The following PARPBP variants were observed in gnomAD, a reference collection of about 807,000 sequenced individuals.
PARPBP encodes the protein PCNA-interacting partner.
Under a neutral mutation model 50.0 loss-of-function variants are expected in PARPBP, and 52 were observed. The ratio of observed to expected loss-of-function variants is 1.04; its 90% CI spans 0.83 to 1.31. PARPBP has a LOEUF of 1.31. PARPBP is among the 50% of genes most tolerant of loss of function. The probability of loss-of-function intolerance (pLI) is 0.00; values close to 1 mark genes in which losing one functional copy is unlikely to be tolerated. For synonymous variants in PARPBP, 244 were observed against 232.1 expected (o/e 1.05, Z -0.47); for missense variants, 697 against 672.0 (o/e 1.04, Z -0.41).
chr12:102,152,495 T>C (rs1199486160), intron 3 of PARPBP, among the ~76,000 whole-genome samples: 2 of 152,212 alleles, frequency 1.3e-5, no homozygotes, highest in African/African-American at 2.4e-5. Context: ...TCTACATATG[T>C]GGTAAGAATT....
intron 7 of PARPBP, among the ~76,000 whole-genome samples, chr12:102,175,935 T>C (rs141996733): frequency 9.7e-4 from 148 of 152,276 alleles, no homozygotes; most frequent in Non-Finnish European, 5.9e-4. Flanking sequence ...TAAAAACTTA[T>C]AATTCTTGAT....
chr12:102,153,801 A>G, intron 3 of PARPBP, 68 bp from the exon 4 acceptor site: 1 of 821,690 alleles, frequency 1.2e-6, no homozygotes, highest in Non-Finnish European at 2.1e-6. Context: ...CACTGAGTAG[A>G]GCTTTATGTG....
chr12:102,128,232 T>A (rs1474401229), intron 2 of PARPBP, among the ~76,000 whole-genome samples: 6 of 151,912 alleles, frequency 3.9e-5, no homozygotes, highest in African/African-American at 1.5e-4. Context: ...CTTCTATAAG[T>A]TCACCTCTTT....
At position 102,195,994 on chromosome 12, in the gene PARPBP, T is replaced by C. The variant is rs780532210; in HGVS notation, c.1443T>C (p.Ser481=). 53 of 1,607,136 alleles carry C rather than the reference T, an allele frequency of 3.3e-5. No individual in the cohort carries two copies. In the South Asian group the frequency reaches 3.7e-4, roughly 11 times the overall value. The change falls in exon 11 of 11, where the codon AGT becomes AGC. Residue 481 remains serine, a synonymous_variant. Transcript: ENST00000327680. ...PSVGRSTIGT[S]FGNVHLDRSK... is the part of the protein sequence containing the mutation. ...TTGGAAGATCAACAATTGGAACGAG[T>C]TTTGGAAATGTTCATCTGGACAGAA...
intron 4 of PARPBP, among the ~76,000 whole-genome samples, chr12:102,155,804 C>G (rs1886825344): frequency 6.6e-6 from 1 of 152,154 alleles, no homozygotes; most frequent in Non-Finnish European, 1.5e-5. Flanking sequence ...TGTTGCAGAC[C>G]TGCTGCTGAC....
intron 4 of PARPBP, among the ~76,000 whole-genome samples, chr12:102,158,428 TA>T: frequency 6.6e-6 from 1 of 152,346 alleles, no homozygotes; most frequent in East Asian, 1.9e-4. Context: ...TCTTTGATGC[TA>T]AAATAGAGGA....
chr12:102,189,398 T>C (rs559503856), intron 9 of PARPBP, among the ~76,000 whole-genome samples: 1 of 152,358 alleles, frequency 6.6e-6, no homozygotes, highest in South Asian at 2.1e-4. Context: ...GTTTGTACTG[T>C]TCATTACTGA....
At chr12:102,136,699 TG>T (rs1883683870) in intron 2 of PARPBP, among the ~76,000 whole-genome samples, 1 of 152,122 alleles carries the variant, frequency 6.6e-6, no homozygotes, top group Non-Finnish European at 1.5e-5. Flanking sequence ...ACATGTGTAG[TG>T]GTGTGGTAGG....
At chr12:102,130,651 G>C (rs372352349) in intron 2 of PARPBP, among the ~76,000 whole-genome samples, 52 of 151,614 alleles carry the variant, frequency 3.4e-4, no homozygotes, top group African/African-American at 1.0e-3. Context: ...GTCAGGAGTT[G>C]AAGACCAGCC....
intron 2 of PARPBP, among the ~76,000 whole-genome samples, chr12:102,129,563 T>C (rs993453439): frequency 6.6e-6 from 1 of 152,200 alleles, no homozygotes; most frequent in Non-Finnish European, 1.5e-5. Context: ...TCTGTTTTTT[T>C]CTAGGACTTT....
chr12:102,192,208 C>T (rs1890854645), intron 9 of PARPBP, among the ~76,000 whole-genome samples: 1 of 152,092 alleles, frequency 6.6e-6, no homozygotes, highest in Non-Finnish European at 1.5e-5. Flanking sequence ...CTTTTTCTTA[C>T]AGGAATACTC....
At chr12:102,163,990 CTTTG>C (rs1887866193) in intron 4 of PARPBP, among the ~76,000 whole-genome samples, 1 of 151,942 alleles carries the variant, frequency 6.6e-6, no homozygotes, top group African/African-American at 2.4e-5. Flanking sequence ...CTTCTTTTTT[CTTTG>C]TTTATTGATT....
chr12:102,122,875 G>GT (rs1881375952), intron 1 of PARPBP, among the ~76,000 whole-genome samples: 1 of 152,206 alleles, frequency 6.6e-6, no homozygotes, highest in Admixed American at 6.5e-5. Flanking sequence ...CTTTTGAAAA[G>GT]TATCTCCACC....
chr12:102,165,695 T>G, intron 5 of PARPBP, 34 bp from the exon 6 acceptor site: 2 of 1,521,822 alleles, frequency 1.3e-6, no homozygotes, highest in Non-Finnish European at 1.8e-6. Context: ...AATAAATCAC[T>G]GGACATAACT....
chr12:102,168,638 C>G (rs1187415852), intron 6 of PARPBP, among the ~76,000 whole-genome samples: 1 of 152,092 alleles, frequency 6.6e-6, no homozygotes, highest in African/African-American at 2.4e-5. Context: ...GGGCAATTGA[C>G]CTGGTTTCTG....
chr12:102,195,827 A>G, intron 10 of PARPBP, 124 bp from the exon 11 acceptor site: 1 of 614,060 alleles, frequency 1.6e-6, no homozygotes, highest in Non-Finnish European at 2.8e-6. Context: ...TATTATTTAT[A>G]GCATTATTTT....
chr12:102,128,623 T>C (rs985005899), intron 2 of PARPBP, among the ~76,000 whole-genome samples: 1 of 152,210 alleles, frequency 6.6e-6, no homozygotes, highest in Non-Finnish European at 1.5e-5. Flanking sequence ...TATAATGTTT[T>C]CCAGGTACAT....
At position 102,197,099 on chromosome 12, in the gene PARPBP, G is replaced by A; in HGVS notation, c.*808G>A. The A allele has an allele frequency of 6.2e-7, 1 of 1,612,066 alleles. No homozygotes were observed. Among genetic ancestry groups the A allele is most frequent in the Non-Finnish European group, 8.5e-7 (1 of 1,178,576 alleles). On this transcript the variant is annotated 3_prime_UTR_variant, in exon 11 of 11. Coordinates refer to ENST00000327680, the MANE Select transcript of PARPBP (RefSeq NM_017915.5). ...GCTGGGAAAGCTACAGATCCTTTTA[G>A]TGCAAGATAAGGTTTTATAGCCAGA... is the stretch of plus-strand genomic sequence containing the variant.
In PARPBP at chr12:102,197,043, T is replaced by G; in HGVS notation, c.*752T>G. 4 of 1,612,252 alleles carry G rather than the reference T, an allele frequency of 2.5e-6. No homozygotes were observed. Among genetic ancestry groups the G allele is most frequent in the Non-Finnish European group, 3.4e-6 (4 of 1,178,738 alleles). On this transcript the variant is annotated 3_prime_UTR_variant, in exon 11 of 11. Coordinates refer to ENST00000327680, the MANE Select transcript of PARPBP (RefSeq NM_017915.5). ...CATCCCCAATTTCTCTCTTTTCTTGTGTTGATTCAGTATTCTGAACTCCAT... is the reference window on the plus strand; with the variant it reads ...CATCCCCAATTTCTCTCTTTTCTTGGGTTGATTCAGTATTCTGAACTCCAT...
Sources: gnomAD v4.1 joint callset for allele counts (sites outside exome capture counted in the v4.1 genomes callset) on GRCh38, gnomAD v4.1.1 for gene constraint, MANE v1.5 for transcripts, NCBI Gene and HGNC (gene_info 2026-07-23, HGNC 2026-07-21) for gene names.